Variants in WLS observed in about 807,000 individuals in gnomAD.
The protein encoded by WLS is Wnt ligand secretion mediator, also known as protein wntless homolog.
In WLS, 23 loss-of-function variants were observed where a neutral mutation model predicts 62.8. The ratio of observed to expected loss-of-function variants is 0.37; its 90% CI spans 0.26 to 0.52. WLS has a LOEUF of 0.52. WLS is among the 20% of genes least tolerant of loss of function. WLS has a pLI of 0.92. For missense variants in WLS, 615 were observed against 697.3 expected, an observed-to-expected ratio of 0.88 and a Z score of 1.33; for synonymous variants, 246 against 244.1, an observed-to-expected ratio of 1.01 and a Z score of -0.07.
At chr1:68,134,151 C>A (rs1466611285) in intron 11 of WLS, among the ~76,000 whole-genome samples, 1 of 152,192 alleles carries the variant, frequency 6.6e-6, no homozygotes, top group Non-Finnish European at 1.5e-5. Context: ...TGCAAGAGTT[C>A]TTCTTTGAGG....
chr1:68,136,874 C>T (rs1328243895), intron 11 of WLS, among the ~76,000 whole-genome samples: 1 of 152,174 alleles, frequency 6.6e-6, no homozygotes, highest in Non-Finnish European at 1.5e-5. Flanking sequence ...GGGCTGCTAC[C>T]CTGGTTTCCA....
chr1:68,148,417 C>T (rs1309902128), intron 7 of WLS, 146 bp downstream of exon 7: 1 of 935,402 alleles, frequency 1.1e-6, no homozygotes, highest in Non-Finnish European at 1.6e-6. Context: ...TGATCCCAGA[C>T]CTTGTCTGAG....
chr1:68,154,670 G>C (rs1646872529), intron 4 of WLS, among the ~76,000 whole-genome samples: 1 of 152,194 alleles, frequency 6.6e-6, no homozygotes, highest in Non-Finnish European at 1.5e-5. Flanking sequence ...ACTTTGTTGA[G>C]ATTGAAAAGA....
intron 3 of WLS, among the ~76,000 whole-genome samples, chr1:68,156,269 A>T (rs1290731288): frequency 6.6e-6 from 1 of 152,180 alleles, no homozygotes; most frequent in Non-Finnish European, 1.5e-5. Flanking sequence ...GCACCTCCTG[A>T]TCAAGTGATA....
intron 11 of WLS, among the ~76,000 whole-genome samples, chr1:68,099,499 G>A (rs1646050618): frequency 6.6e-6 from 1 of 152,126 alleles, no homozygotes; most frequent in Non-Finnish European, 1.5e-5. Flanking sequence ...CGTACCTGTA[G>A]GAGATTGGCT....
At position 68,149,605 on chromosome 1, in the gene WLS, C is replaced by T. The variant is rs1029220569; in HGVS notation, c.972+583G>A. Among the ~76,000 whole-genome samples, 6 of 152,276 alleles carry T rather than the reference C, an allele frequency of 3.9e-5. No individual in the cohort carries two copies. The South Asian group carries it at 1.2e-3, about 32-fold the overall frequency. The stretch of plus-strand genomic sequence containing the variant: ...TCTTAGCCACAATGTGATGATGACA[C>T]CATTCTTATTTTTAACCATGGTACC... On this transcript the variant is annotated intron_variant, in intron 6 of 11. Coordinates refer to ENST00000262348, the MANE Select transcript of WLS (RefSeq NM_024911.7).
At chr1:68,186,798 A>G in intron 2 of WLS, 1 of 208,984 alleles carries the variant, frequency 4.8e-6, no homozygotes, top group East Asian at 1.3e-4. Flanking sequence ...GAATATATAT[A>G]ACATAATATA....
chr1:68,225,377 A>C (rs548647043), intron 1 of WLS, among the ~76,000 whole-genome samples: 75 of 152,162 alleles, frequency 4.9e-4, no homozygotes, highest in Non-Finnish European at 8.8e-4. Context: ...TCCTTCCCAC[A>C]TCCCCATACG....
chr1:68,141,074 A>G (rs1480482510), intron 10 of WLS, among the ~76,000 whole-genome samples: 1 of 151,842 alleles, frequency 6.6e-6, no homozygotes, highest in African/African-American at 2.4e-5. Context: ...CATTTGAACA[A>G]TTTACTTTTG....
intron 1 of WLS, among the ~76,000 whole-genome samples, chr1:68,227,211 C>CGGTGAAACCCCGCCTGGCCAACCT (rs1356489258): frequency 6.6e-6 from 1 of 151,962 alleles, no homozygotes; most frequent in Non-Finnish European, 1.5e-5. Context: ...CCGGCCAACC[C>CGGTGAAACCCCGCCTGGCCAACCT]GGTGAAACCC....
chr1:68,144,912 G>A (rs369086640), intron 9 of WLS, among the ~76,000 whole-genome samples: 7 of 152,162 alleles, frequency 4.6e-5, no homozygotes, highest in East Asian at 3.8e-4. Context: ...ACAACACGTC[G>A]TGAGGCTGCT....
chr1:68,214,168 A>C (rs1649635214), intron 1 of WLS, among the ~76,000 whole-genome samples: 1 of 139,360 alleles, frequency 7.2e-6, no homozygotes. Flanking sequence ...CTTGGTGCTC[A>C]ACAGTGATCT....
intron 1 of WLS, among the ~76,000 whole-genome samples, chr1:68,230,982 G>A (rs1033019528): frequency 6.6e-6 from 1 of 152,156 alleles, no homozygotes; most frequent in African/African-American, 2.4e-5. Context: ...GTGGGCGCCC[G>A]TAAAGGCACG....
chr1:68,162,633 G>T (rs1646995854), intron 2 of WLS: 2 of 1,255,588 alleles, frequency 1.6e-6, no homozygotes, highest in Non-Finnish European at 2.3e-6. Context: ...GCAGTGCTTG[G>T]TACAGCCATG....
chr1:68,171,446 C>A (rs1423676218), intron 2 of WLS, among the ~76,000 whole-genome samples: 1 of 151,732 alleles, frequency 6.6e-6, no homozygotes, highest in Non-Finnish European at 1.5e-5. Flanking sequence ...CCAGAATCTA[C>A]AAGGAATTTA....
chr1:68,162,085 G>C, intron 2 of WLS: 3 of 1,570,164 alleles, frequency 1.9e-6, no homozygotes, highest in Non-Finnish European at 2.6e-6. Context: ...AGTGGCAGCT[G>C]CCTCCCTCAT....
intron 1 of WLS, among the ~76,000 whole-genome samples, chr1:68,213,718 T>C (rs1161601297): frequency 1.3e-5 from 2 of 152,060 alleles, no homozygotes; most frequent in African/African-American, 4.8e-5. Context: ...ATCTAAAAAA[T>C]GCCTAGATCC....
Position 68,194,186 on chromosome 1 carries a change from AT to A in WLS, c.147del (p.Lys49AsnfsTer55). On this transcript the variant is annotated frameshift_variant, in exon 2 of 12. Transcript: ENST00000262348. LOFTEE classifies it high-confidence loss of function. ...PTTAVSYMSVKCVDARKNHHK... is the reference protein window; with the variant it reads ...PTTAVSYMSVXCVDARKNHHK... ...TGATGGTTCTTACGGGCATCCACAC[AT>A]TTCACCGACATGTAGGACACTGCCG... The A allele has an allele frequency of 6.2e-7, 1 of 1,614,172 alleles. No individual in the cohort carries two copies. The highest frequency in any genetic ancestry group is 1.3e-5 in the African/African-American group (1 of 75,042).
chr1:68,227,256 A>G (rs1650187314), intron 1 of WLS, among the ~76,000 whole-genome samples: 3 of 152,150 alleles, frequency 2.0e-5, no homozygotes, highest in South Asian at 2.1e-4. Context: ...CGTCTCTACT[A>G]AAAATACAAC....
Sources: allele counts gnomAD v4.1 joint callset (sites outside exome capture counted in the v4.1 genomes callset), GRCh38; gene constraint gnomAD v4.1.1; transcripts MANE v1.5; gene names NCBI Gene and HGNC (gene_info 2026-07-23, HGNC 2026-07-21).